ARMC9: variants seen among roughly 807,000 people sequenced by gnomAD.
ARMC9 encodes armadillo repeat containing 9, also known as lisH domain-containing protein ARMC9.
ARMC9 carries 94 observed loss-of-function variants against 107.0 expected under a neutral mutation model. The observed-to-expected ratio is 0.88, with a 90% CI of 0.74 to 1.04. ARMC9 has a LOEUF of 1.04. Among genes scored for constraint, ARMC9 ranks in the 50% least tolerant of loss-of-function variants. ARMC9 has a pLI of 0.00. For missense variants in ARMC9, 942 were observed against 1,030.1 expected (o/e 0.91, Z 1.17); for synonymous variants, 380 against 396.9 (o/e 0.96, Z 0.51).
At chr2:231,266,588 A>G (rs969898183) in intron 12 of ARMC9, among the ~76,000 whole-genome samples, 9 of 152,210 alleles carry the variant, frequency 5.9e-5, no homozygotes, top group African/African-American at 1.9e-4. Context: ...CTCTGTACCC[A>G]TTAAGCAATA....
At chr2:231,328,819 CTT>C (rs781598910) in intron 19 of ARMC9, among the ~76,000 whole-genome samples, 7 of 115,186 alleles carry the variant, frequency 6.1e-5, no homozygotes, top group African/African-American at 9.2e-5. Flanking sequence ...CTTTTCTTTT[CTT>C]TTTTTTTTTT....
chr2:231,262,488 A>G (rs1330620056), intron 12 of ARMC9, 90 bp downstream of exon 12: 9 of 1,259,116 alleles, frequency 7.1e-6, no homozygotes, highest in Non-Finnish European at 9.3e-6. Context: ...ATTTCTCTGC[A>G]CATTTTCAGC....
intron 21 of ARMC9, among the ~76,000 whole-genome samples, chr2:231,354,208 G>A (rs2045233897): frequency 7.0e-6 from 1 of 143,036 alleles, no homozygotes; most frequent in Non-Finnish European, 1.5e-5. Flanking sequence ...AAGGTGGTAG[G>A]ATCACTTGAG....
chr2:231,318,501 T>A (rs778057018), intron 19 of ARMC9, among the ~76,000 whole-genome samples: 1 of 152,202 alleles, frequency 6.6e-6, no homozygotes, highest in African/African-American at 2.4e-5. Context: ...TCTTAACCTC[T>A]GTAGCCCTCT....
chr2:231,369,486 G>A (rs1363495459), intron 23 of ARMC9, among the ~76,000 whole-genome samples: 1 of 151,624 alleles, frequency 6.6e-6, no homozygotes, highest in Non-Finnish European at 1.5e-5. Flanking sequence ...AGAGACGGGG[G>A]TCTCACCATA....
At chr2:231,284,236 T>G (rs947672146) in intron 17 of ARMC9, among the ~76,000 whole-genome samples, 2 of 152,206 alleles carry the variant, frequency 1.3e-5, no homozygotes, top group African/African-American at 4.8e-5. Flanking sequence ...CACTAGGATC[T>G]TATTAGCTAT....
chr2:231,308,748 A>G (rs1043691465), intron 19 of ARMC9, among the ~76,000 whole-genome samples: 2 of 152,200 alleles, frequency 1.3e-5, no homozygotes, highest in Non-Finnish European at 2.9e-5. Context: ...GCAGAGACAT[A>G]CTGTTGAGGG....
At chr2:231,244,408 C>G (rs1172430152) in intron 9 of ARMC9, among the ~76,000 whole-genome samples, 1 of 150,268 alleles carries the variant, frequency 6.7e-6, no homozygotes, top group Non-Finnish European at 1.5e-5. Context: ...GCTCTGTTAC[C>G]CAGGCTGGAG....
At chr2:231,257,047 G>A (rs569295260) in intron 10 of ARMC9, among the ~76,000 whole-genome samples, 24 of 152,286 alleles carry the variant, frequency 1.6e-4, no homozygotes, top group African/African-American at 5.8e-4. Flanking sequence ...ACACCCAACC[G>A]CAAGTGATCC....
intron 14 of ARMC9, among the ~76,000 whole-genome samples, chr2:231,273,835 C>T (rs760367668): frequency 3.3e-5 from 5 of 152,172 alleles, no homozygotes; most frequent in Non-Finnish European, 7.3e-5. Context: ...GCAGTCATCA[C>T]CACAATCCAG....
At position 231,289,747 on chromosome 2, in the gene ARMC9, G is replaced by C. The variant is rs1390722447; in HGVS notation, c.1627-1606G>C. Reference sequence around the variant, plus strand: ...CCCTCAACTCATGGACAACTTTCCAGAGTTCTTCCTCCCTTCCAGATTGTC... The same window carrying C: ...CCCTCAACTCATGGACAACTTTCCACAGTTCTTCCTCCCTTCCAGATTGTC... On this transcript the variant is annotated intron_variant, in intron 17 of 24. Transcript: ENST00000611582. Among the ~76,000 whole-genome samples the C allele has an allele frequency of 2.0e-5, 3 of 152,164 alleles. No individual in the cohort carries two copies. The East Asian group carries it at 5.8e-4, about 29-fold the overall frequency.
At chr2:231,214,028 T>G (rs1377908963) in intron 3 of ARMC9, among the ~76,000 whole-genome samples, 2 of 152,252 alleles carry the variant, frequency 1.3e-5, no homozygotes, top group African/African-American at 2.4e-5. Flanking sequence ...CACAGATATT[T>G]GTGACAGGTG....
At chr2:231,337,745 A>C (rs1000344872) in intron 20 of ARMC9, among the ~76,000 whole-genome samples, 1 of 152,292 alleles carries the variant, frequency 6.6e-6, no homozygotes, top group Non-Finnish European at 1.5e-5. Flanking sequence ...ATTCTTGTGC[A>C]TGAAAACACA....
intron 11 of ARMC9, among the ~76,000 whole-genome samples, chr2:231,262,016 G>T: frequency 6.6e-6 from 1 of 151,966 alleles, no homozygotes; most frequent in Middle Eastern, 3.2e-3. Flanking sequence ...TAGAGACAGG[G>T]TTTCACCATG....
intron 21 of ARMC9, among the ~76,000 whole-genome samples, chr2:231,355,475 C>T (rs1463198600): frequency 1.3e-5 from 2 of 152,222 alleles, no homozygotes; most frequent in Non-Finnish European, 2.9e-5. Context: ...CCAGCAGATC[C>T]GTGCCTTACG....
chr2:231,366,426 G>A (rs1425281217), intron 23 of ARMC9, among the ~76,000 whole-genome samples: 2 of 152,268 alleles, frequency 1.3e-5, no homozygotes, highest in African/African-American at 4.8e-5. Context: ...GGCCAGGCAC[G>A]GTGGCTTATG....
At chr2:231,245,422 C>T (rs1389373503) in intron 9 of ARMC9, among the ~76,000 whole-genome samples, 1 of 152,216 alleles carries the variant, frequency 6.6e-6, no homozygotes, top group African/African-American at 2.4e-5. Context: ...TCACCCATGG[C>T]AGAGCAGCTC....
At chr2:231,253,514 T>G (rs967970178) in intron 9 of ARMC9, among the ~76,000 whole-genome samples, 3 of 151,774 alleles carry the variant, frequency 2.0e-5, no homozygotes, top group Non-Finnish European at 4.4e-5. Flanking sequence ...GCCACTGTAC[T>G]CCAGCCTGGG....
At chr2:231,282,426 A>G (rs1279424846) in intron 17 of ARMC9, among the ~76,000 whole-genome samples, 1 of 152,256 alleles carries the variant, frequency 6.6e-6, no homozygotes, top group Non-Finnish European at 1.5e-5. Flanking sequence ...CCAAATGGAA[A>G]AGATTATAAA....
Sources: allele counts gnomAD v4.1 joint callset (sites outside exome capture counted in the v4.1 genomes callset), GRCh38; gene constraint gnomAD v4.1.1; transcripts MANE v1.5; gene names NCBI Gene and HGNC (gene_info 2026-07-23, HGNC 2026-07-21).